CCNJL: variants seen among roughly 807,000 people sequenced by gnomAD.
The protein encoded by CCNJL is cyclin J like.
A neutral mutation model predicts 33.4 loss-of-function variants in CCNJL; 33 were observed. That is an observed-to-expected ratio of 0.99 (90% CI 0.75 to 1.32). The LOEUF (loss-of-function observed/expected upper bound fraction) is 1.32, where lower values mean the gene tolerates loss of function less well. Among genes scored for constraint, CCNJL ranks in the 40% most tolerant of loss-of-function variants. CCNJL has a pLI of 0.00. For missense variants in CCNJL, 512 were observed against 499.7 expected (o/e 1.02, Z -0.23); for synonymous variants, 227 against 220.9 (o/e 1.03, Z -0.24).
intron 1 of CCNJL, among the ~76,000 whole-genome samples, chr5:160,329,306 C>A (rs1356784510): frequency 6.6e-6 from 1 of 151,800 alleles, no homozygotes; most frequent in African/African-American, 2.4e-5. Flanking sequence ...AGCAACCAAC[C>A]CAAAGGGGCT....
At chr5:160,313,458 C>T (rs1309793710), upstream of CCNJL, among the ~76,000 whole-genome samples, 1 of 152,058 alleles carries the variant, frequency 6.6e-6, no homozygotes, top group Non-Finnish European at 1.5e-5. Context: ...ATCACTACAC[C>T]AGGTATTAAG....
At chr5:160,326,871 T>C (rs914325078) in intron 1 of CCNJL, 1 of 691,384 alleles carries the variant, frequency 1.4e-6, no homozygotes, top group Non-Finnish European at 2.8e-6. Flanking sequence ...TTGTATTAGA[T>C]GATACAGAAG....
chr5:160,321,669 C>T (rs968024816), intron 1 of CCNJL, among the ~76,000 whole-genome samples: 4 of 152,144 alleles, frequency 2.6e-5, no homozygotes, highest in African/African-American at 9.7e-5. Flanking sequence ...TGGCCGGGCG[C>T]GGTGGCTCAC....
At chr5:160,309,541 T>C (rs1394126280) in intron 2 of CCNJL, among the ~76,000 whole-genome samples, 1 of 152,220 alleles carries the variant, frequency 6.6e-6, no homozygotes, top group African/African-American at 2.4e-5. Flanking sequence ...AAACATATTA[T>C]CAGAGTAGAC....
chr5:160,306,200 GGCAGTGGTT>G (rs886283951), intron 2 of CCNJL, among the ~76,000 whole-genome samples: 3 of 150,852 alleles, frequency 2.0e-5, no homozygotes, highest in African/African-American at 7.4e-5. Flanking sequence ...GAACCCAGGA[GGCAGTGGTT>G]GCAGTAAGCC....
rs761560931 is a variant in CCNJL, at chr5:160,311,812, A to G, written c.66+46T>C. Reference sequence around the variant, plus strand: ...GAGAACACGAAGTCGAGACCGAAGGAGACTGTACCCAGTCTTGAGAGTGAC... The same window carrying G: ...GAGAACACGAAGTCGAGACCGAAGGGGACTGTACCCAGTCTTGAGAGTGAC... On this transcript the variant is annotated intron_variant, in intron 2 of 5. Transcript: ENST00000257536. The G allele has an allele frequency of 1.8e-5, 29 of 1,571,026 alleles. No homozygotes were observed. The East Asian group carries it at 3.8e-4, about 21-fold the overall frequency.
At position 160,339,371 on chromosome 5, in the gene CCNJL, A is replaced by G. The variant is rs1353715506; in HGVS notation, n.206+74T>C. 3 of 319,842 alleles carry G rather than the reference A, an allele frequency of 9.4e-6. 1 individual carries two copies. The highest frequency in any genetic ancestry group is 1.6e-4 in the East Asian group (2 of 12,314). The allele number at this position is 319,842 out of a possible 1,614,324, so 19.8% of individuals were successfully genotyped here. On this transcript the variant is annotated intron_variant and non_coding_transcript_variant, in intron 1 of 7. Coordinates refer to the CCNJL transcript ENST00000377503. ...GCAACATGCAAAACAAAAAAAAAAA[A>G]CAAAAAAAAACGCCAAAACCCCAAA...
intron 2 of CCNJL, among the ~76,000 whole-genome samples, chr5:160,295,462 T>C (rs982217399): frequency 1.3e-5 from 2 of 152,186 alleles, no homozygotes; most frequent in Non-Finnish European, 2.9e-5. Flanking sequence ...CACTCCAGCC[T>C]GGGCGACAGA....
At chr5:160,316,481 C>T (rs1161103477), upstream of CCNJL, among the ~76,000 whole-genome samples, 1 of 152,028 alleles carries the variant, frequency 6.6e-6, no homozygotes, top group Non-Finnish European at 1.5e-5. Context: ...CTAATATTTT[C>T]ACTGTGATAT....
rs1761222746 is a variant in CCNJL at position 160,259,506 on chromosome 5, CT to C, written c.545del (p.Lys182ArgfsTer8). ...TCPRKTKECL[K>X]EYAHYFLEVT... ...CCTCTAGGAAGTAATGGGCATACTC[CT>C]TGAGGCACTCTTTGGTCTTGCGGGG... On this transcript the variant is annotated frameshift_variant, in exon 4 of 6. Coordinates refer to ENST00000257536, the MANE Select transcript of CCNJL (RefSeq NM_001308173.3). LOFTEE classifies it high-confidence loss of function. The C allele has an allele frequency of 6.2e-7, 1 of 1,614,070 alleles. No individual in the cohort carries two copies. The highest frequency in any genetic ancestry group is 2.2e-5 in the East Asian group (1 of 44,888).
At chr5:160,284,074 AG>A in intron 2 of CCNJL, among the ~76,000 whole-genome samples, 1 of 152,300 alleles carries the variant, frequency 6.6e-6, no homozygotes, top group East Asian at 1.9e-4. Context: ...AATTTTGGCT[AG>A]GTGCAGTGGC....
At chr5:160,311,689 C>A (rs59119608) in intron 2 of CCNJL, among the ~76,000 whole-genome samples, 169 bp downstream of exon 2, 1 of 152,084 alleles carries the variant, frequency 6.6e-6, no homozygotes, top group East Asian at 1.9e-4. Flanking sequence ...CAGTCTCTAA[C>A]CCCCGCCCCC....
At chr5:160,287,442 A>G (rs1762441574) in intron 2 of CCNJL, among the ~76,000 whole-genome samples, 1 of 152,180 alleles carries the variant, frequency 6.6e-6, no homozygotes, top group African/African-American at 2.4e-5. Flanking sequence ...TGTTCCCCTC[A>G]CTGGGAAAAG....
intron 3 of CCNJL, among the ~76,000 whole-genome samples, chr5:160,277,260 A>G (rs980239383): frequency 4.6e-5 from 7 of 152,196 alleles, no homozygotes; most frequent in Non-Finnish European, 7.4e-5. Flanking sequence ...CGATGTGTGT[A>G]AAGTGCCTGG....
chr5:160,315,318 A>AAC (rs57432164), upstream of CCNJL: 3,941 of 103,958 alleles, frequency 0.038, 120 homozygotes, highest in African/African-American at 0.082. Flanking sequence ...CCCGCCCCCC[A>AAC]ACACACACAC....
intron 2 of CCNJL, among the ~76,000 whole-genome samples, chr5:160,292,056 C>T (rs530073978): frequency 9.9e-5 from 15 of 152,162 alleles, no homozygotes; most frequent in African/African-American, 2.9e-4. Flanking sequence ...AGTAAGACCC[C>T]GTCTCTTTAA....
At chr5:160,331,629 C>T (rs1285212673) in intron 1 of CCNJL, among the ~76,000 whole-genome samples, 1 of 152,166 alleles carries the variant, frequency 6.6e-6, no homozygotes, top group African/African-American at 2.4e-5. Flanking sequence ...TTTGCATCTA[C>T]CCTTAACCCT....
chr5:160,266,005 GATCCCATAGCT>G (rs1450706954), intron 3 of CCNJL, among the ~76,000 whole-genome samples: 2 of 152,194 alleles, frequency 1.3e-5, no homozygotes, highest in African/African-American at 4.8e-5. Flanking sequence ...CAGAAGTTGA[GATCCCATAGCT>G]ATCCCCATGC....
chr5:160,297,594 C>T (rs73817400), intron 2 of CCNJL, among the ~76,000 whole-genome samples: 17 of 148,590 alleles, frequency 1.1e-4, no homozygotes, highest in Non-Finnish European at 2.4e-4. Flanking sequence ...GTGGGAGGAT[C>T]GCTTAAGCCT....
Sources: gnomAD v4.1 joint callset for allele counts (sites outside exome capture counted in the v4.1 genomes callset) on GRCh38, gnomAD v4.1.1 for gene constraint, MANE v1.5 for transcripts, NCBI Gene and HGNC (gene_info 2026-07-23, HGNC 2026-07-21) for gene names.